The following PISD variants were observed in gnomAD, a reference collection of about 807,000 sequenced individuals.
PISD encodes the protein phosphatidylserine decarboxylase.
In PISD, 31 loss-of-function variants were observed where a neutral mutation model predicts 43.5. That is an observed-to-expected ratio of 0.71 (90% confidence interval 0.54 to 0.96). The LOEUF is 0.96. PISD is among the 40% of genes least tolerant of loss of function. The probability of loss-of-function intolerance (pLI) is 0.00; values close to 1 mark genes in which losing one functional copy is unlikely to be tolerated. For missense variants in PISD, 523 were observed against 548.4 expected, an observed-to-expected ratio of 0.95 and a Z score of 0.46; for synonymous variants, 259 against 228.7, an observed-to-expected ratio of 1.13 and a Z score of -1.20.
chr22:31,656,384 C>G lies in PISD; in HGVS notation c.66-5606G>C, dbSNP rs115544747. On this transcript the variant is annotated intron_variant, in intron 1 of 7. Transcript: ENST00000439502. ...AATAAAGGCCGGGCATGGTGGCTGA[C>G]GCCTATGAGAACTCCCAGCACGTTG... 1.3e-5 allele frequency among the ~76,000 whole-genome samples: 2 copies of G among 150,978 alleles called. 1 individual carries two copies. The highest frequency in any genetic ancestry group is 4.2e-4 in the South Asian group (2 of 4,774).
At chr22:31,623,840 G>A (rs774887168) in intron 3 of PISD, 173 of 1,613,162 alleles carry the variant, frequency 1.1e-4, no homozygotes, top group Admixed American at 5.2e-4. Flanking sequence ...CCAGCTGGGG[G>A]AAGTGCAACC....
chr22:31,632,254 T>C (rs1419929237), intron 3 of PISD: 52 of 984,832 alleles, frequency 5.3e-5, no homozygotes, highest in Admixed American at 6.2e-5. Context: ...AGAAGACAGA[T>C]AGGGTCCTCC....
At position 31,619,809 on chromosome 22, in the gene PISD, T is replaced by C. The variant is rs1334673124; in HGVS notation, c.1033A>G (p.Ser345Gly). 3 of 1,613,894 alleles carry C rather than the reference T, an allele frequency of 1.9e-6. No homozygotes were observed. The highest frequency in any genetic ancestry group is 2.5e-6 in the Non-Finnish European group (3 of 1,179,896). Reference protein sequence around the residue: ...RDLHTNSPRHSKGSYNDFSFV... With the variant: ...RDLHTNSPRHGKGSYNDFSFV... ...CTGAAGTCATTGTAGGAGCCCTTGC[T>C]GTGCCTTGGGCTGTTTGTGTGCAGG... The change falls in exon 8 of 8, where the codon AGC becomes GGC. Residue 345 changes from serine (S) to glycine (G), a missense_variant. Coordinates refer to ENST00000439502, the MANE Select transcript of PISD (RefSeq NM_001326411.2).
intron 3 of PISD, among the ~76,000 whole-genome samples, chr22:31,631,610 C>A (rs1297477085): frequency 6.6e-6 from 1 of 152,196 alleles, no homozygotes; most frequent in Non-Finnish European, 1.5e-5. Context: ...ATCGGAGGGC[C>A]CTAGTCTGCG....
At chr22:31,619,871 GCCA>G (rs2072396999) in intron 7 of PISD, 35 bp from the exon 8 acceptor site, 5 of 1,402,696 alleles carry the variant, frequency 3.6e-6, no homozygotes, top group African/African-American at 1.4e-5. Flanking sequence ...TGGGGCCCAG[GCCA>G]CCAAGTGCAC....
chr22:31,635,477 A>G (rs1319540470), intron 3 of PISD, among the ~76,000 whole-genome samples: 1 of 151,970 alleles, frequency 6.6e-6, no homozygotes, highest in Non-Finnish European at 1.5e-5. Context: ...TAATTTTTGT[A>G]TTTTTAGTAG....
At chr22:31,621,497 G>A (rs2072570087) in intron 4 of PISD, 25 bp from the exon 5 acceptor site, 2 of 1,613,476 alleles carry the variant, frequency 1.2e-6, no homozygotes, top group Non-Finnish European at 1.7e-6. Context: ...GAGGCTTGCT[G>A]CCAGGGAGAG....
rs776306898 is a variant in PISD at position 31,621,425 on chromosome 22, G to A, written c.606C>T (p.Asn202=). The part of the protein sequence containing the change: ...GRILNFGQVK[N]CEVEQVKGVT... ...CCCCCTTTACCTGCTCCACCTCACAGTTCTTCACCTGCCCAAAGTTGAGGA... is the reference window on the plus strand; with the variant it reads ...CCCCCTTTACCTGCTCCACCTCACAATTCTTCACCTGCCCAAAGTTGAGGA... The change falls in exon 5 of 8, where the codon AAC becomes AAT. Residue 202 remains asparagine, a synonymous_variant. Coordinates refer to ENST00000439502, the MANE Select transcript of PISD (RefSeq NM_001326411.2). The A allele has an allele frequency of 4.3e-6, 7 of 1,614,040 alleles. No individual in the cohort carries two copies. The East Asian group carries it at 1.3e-4, about 31-fold the overall frequency.
intron 7 of PISD, among the ~76,000 whole-genome samples, 159 bp from the exon 8 acceptor site, chr22:31,619,995 G>A (rs114170547): frequency 0.011 from 1,705 of 152,258 alleles, 32 homozygotes; most frequent in African/African-American, 0.038. Flanking sequence ...GGCCAGGTGG[G>A]CCTGCTCTAG....
intron 5 of PISD, 67 bp from the exon 6 acceptor site, chr22:31,621,209 G>A (rs1239046941): frequency 6.2e-7 from 1 of 1,611,816 alleles, no homozygotes; most frequent in African/African-American, 1.3e-5. Flanking sequence ...CCCGAGTGTG[G>A]TCTGCACATG....
chr22:31,625,272 G>A (rs2072839759), intron 3 of PISD, among the ~76,000 whole-genome samples: 1 of 152,208 alleles, frequency 6.6e-6, no homozygotes, highest in African/African-American at 2.4e-5. Flanking sequence ...TCGCACCCCG[G>A]TGTATTTTTA....
chr22:31,625,767 T>G, intron 3 of PISD: 6 of 1,589,270 alleles, frequency 3.8e-6, no homozygotes, highest in Non-Finnish European at 5.1e-6. Flanking sequence ...TCTCACCATT[T>G]CGCCGCGCGG....
rs1324002123 is a variant in PISD, at chr22:31,630,952, T to C, written c.322-9067A>G. On this transcript the variant is annotated intron_variant, in intron 3 of 7. Coordinates refer to ENST00000439502, the MANE Select transcript of PISD (RefSeq NM_001326411.2). The surrounding 1 kb of genome is among the most constrained non-coding windows in gnomAD (Gnocchi z 4.4). ...GGCCGACCCCAGCCACCCTTAAAGC[T>C]GCCGCCCCCTCTGAGCCCCAGTCCT... 1.3e-6 allele frequency: 1 copy of C among 765,294 alleles called. No homozygotes were observed. Among genetic ancestry groups the C allele is most frequent in the Non-Finnish European group, 1.6e-6 (1 of 628,796 alleles). 47.4% of individuals were successfully genotyped at this position (765,294 alleles called of 1,614,324 possible).
At chr22:31,639,874 A>C (rs1454708728) in intron 3 of PISD, among the ~76,000 whole-genome samples, 1 of 152,194 alleles carries the variant, frequency 6.6e-6, no homozygotes, top group East Asian at 1.9e-4. Context: ...ACCCAAGTGA[A>C]CACTCAGGCC....
intron 3 of PISD, among the ~76,000 whole-genome samples, chr22:31,623,251 C>A (rs1349016142): frequency 6.6e-6 from 1 of 152,240 alleles, no homozygotes; most frequent in Non-Finnish European, 1.5e-5. Context: ...GGTGTCCTCA[C>A]CCTAAGGGAC....
chr22:31,637,667 C>T (rs2073552238), intron 3 of PISD, among the ~76,000 whole-genome samples: 1 of 152,116 alleles, frequency 6.6e-6, no homozygotes, highest in Admixed American at 6.5e-5. Flanking sequence ...AAAGAAGAAA[C>T]AGTGAAAGCT....
At chr22:31,638,137 C>T (rs2073570047) in intron 3 of PISD, among the ~76,000 whole-genome samples, 1 of 152,236 alleles carries the variant, frequency 6.6e-6, no homozygotes, top group Non-Finnish European at 1.5e-5. Context: ...CTGCCCTTGG[C>T]TGTGGGGCTG....
At chr22:31,654,812 A>C (rs908877115) in intron 1 of PISD, among the ~76,000 whole-genome samples, 1 of 152,134 alleles carries the variant, frequency 6.6e-6, no homozygotes, top group South Asian at 2.1e-4. Context: ...GTGGTGGCTC[A>C]CACCTGTAAT....
intron 3 of PISD, among the ~76,000 whole-genome samples, chr22:31,631,625 G>C (rs980918741): frequency 6.6e-6 from 1 of 152,194 alleles, no homozygotes; most frequent in Non-Finnish European, 1.5e-5. Flanking sequence ...TCTGCGGCTT[G>C]GCAGTCCACC....
Sources: gnomAD v4.1 joint callset for allele counts (sites outside exome capture counted in the v4.1 genomes callset) on GRCh38, gnomAD v4.1.1 for gene constraint, Gnocchi (gnomAD v3.1) non-coding constraint, MANE v1.5 for transcripts, NCBI Gene and HGNC (gene_info 2026-07-23, HGNC 2026-07-21) for gene names.